CCL24: variants seen among roughly 807,000 people sequenced by gnomAD.
The protein encoded by CCL24 is C-C motif chemokine ligand 24.
A neutral mutation model predicts 8.6 loss-of-function variants in CCL24; 6 were observed. The ratio of observed to expected loss-of-function variants is 0.70; its 90% CI spans 0.38 to 1.38. The LOEUF (loss-of-function observed/expected upper bound fraction) is 1.38, where lower values mean the gene tolerates loss of function less well. Ranked by LOEUF, CCL24 falls within the 40% of genes most tolerant of loss-of-function variation. The pLI, the probability that CCL24 is intolerant of heterozygous loss-of-function variation, is 0.02. For missense variants in CCL24, 126 were observed against 147.1 expected (o/e 0.86, Z 0.74); for synonymous variants, 59 against 52.7 (o/e 1.12, Z -0.52).
At chr7:75,818,828 G>A (rs997061651) in intron 1 of CCL24, among the ~76,000 whole-genome samples, 2 of 151,908 alleles carry the variant, frequency 1.3e-5, no homozygotes, top group South Asian at 2.1e-4. Flanking sequence ...TGGCCAGAGC[G>A]GCCTCTCCCC....
Position 75,813,766 on chromosome 7 carries a change from G to A in CCL24, c.-51C>T, listed in dbSNP as rs1326619866. 6.8e-7 allele frequency: 1 copy of A among 1,469,344 alleles called. No individual in the cohort carries two copies. Among genetic ancestry groups the A allele is most frequent in the African/African-American group, 1.4e-5 (1 of 72,040 alleles). The allele number at this position is 1,469,344 out of a possible 1,614,324, so 91.0% of individuals were successfully genotyped here. On this transcript the variant is annotated 5_prime_UTR_variant, in exon 1 of 3. Transcript: ENST00000222902. ...CGGGGCTCAAAGCTGACGTGCAGGA[G>A]GAAAGGACCTAGGGATAAATAGCTC...
At chr7:75,813,557 C>G (rs1803822349) in intron 1 of CCL24, 86 bp downstream of exon 1, 2 of 1,352,368 alleles carry the variant, frequency 1.5e-6, no homozygotes, top group Admixed American at 1.7e-5. Flanking sequence ...CAGCGCTTCC[C>G]TCCAGCCCCA....
chr7:75,822,690 G>T (rs985698845), intron 1 of CCL24, among the ~76,000 whole-genome samples: 1 of 152,132 alleles, frequency 6.6e-6, no homozygotes, highest in Non-Finnish European at 1.5e-5. Flanking sequence ...TTAGCCAGGC[G>T]TGGTGGCAGG....
chr7:75,814,894 C>T (rs189756903), upstream of CCL24, among the ~76,000 whole-genome samples: 1 of 152,018 alleles, frequency 6.6e-6, no homozygotes, highest in East Asian at 1.9e-4. Context: ...GGCCCCTTCC[C>T]GCGCCGACCA....
chr7:75,811,616 G>A lies in CCL24; in HGVS notation c.*180C>T, dbSNP rs1338904722. On this transcript the variant is annotated 3_prime_UTR_variant, in exon 3 of 3. Coordinates refer to ENST00000222902, the MANE Select transcript of CCL24 (RefSeq NM_002991.3). ...CTTGGATGCTTGGAGCCATTGCTCA[G>A]CCCCCGGGAACCACATCACCTGCTC... 3 of 550,048 alleles carry A rather than the reference G, an allele frequency of 5.5e-6. No homozygotes were observed. Among genetic ancestry groups the A allele is most frequent in the Non-Finnish European group, 9.4e-6 (3 of 318,892 alleles). The allele number at this position is 550,048 out of a possible 1,614,324, so 34.1% of individuals were successfully genotyped here.
intron 1 of CCL24, among the ~76,000 whole-genome samples, chr7:75,821,885 G>A (rs1167484689): frequency 2.1e-5 from 3 of 144,280 alleles, no homozygotes; most frequent in East Asian, 2.0e-4. Context: ...CCGAGATCCC[G>A]CCACTGCACT....
In CCL24 at chr7:75,813,387, A is replaced by G; in HGVS notation, c.110T>C (p.Phe37Ser). ...GTTCTCAGGAATTCTCTTGGAAACA[A>G]AGAACATGCAGCAGGGAGAGGGGAT... ...VVIPSPCCMF[F>S]VSKRIPENRV... is the part of the protein sequence containing the mutation. The change falls in exon 2 of 3, where the codon TTT becomes TCT. Residue 37 changes from phenylalanine (F) to serine (S), a missense_variant. Physicochemically the swap from Phe to Ser is radical, Grantham distance 155. Transcript: ENST00000222902. 3.7e-6 allele frequency: 6 copies of G among 1,613,716 alleles called. No individual in the cohort carries two copies. Among genetic ancestry groups the G allele is most frequent in the South Asian group, 2.2e-5 (2 of 91,080 alleles).
At chr7:75,820,430 C>A (rs528253490) in intron 1 of CCL24, among the ~76,000 whole-genome samples, 52 of 152,276 alleles carry the variant, frequency 3.4e-4, no homozygotes, top group Non-Finnish European at 6.9e-4. Flanking sequence ...ATCTGCCAGC[C>A]TTGGCCTCCC....
upstream of CCL24, among the ~76,000 whole-genome samples, chr7:75,814,867 G>A (rs1335063263): frequency 6.6e-6 from 1 of 151,922 alleles, no homozygotes; most frequent in African/African-American, 2.4e-5. Context: ...GACTCTCTGT[G>A]CAGCCGGACT....
upstream of CCL24, among the ~76,000 whole-genome samples, chr7:75,815,244 G>C (rs569473803): frequency 7.2e-5 from 11 of 151,768 alleles, 1 homozygote; most frequent in South Asian, 1.9e-3. Flanking sequence ...GAGGCTGAGG[G>C]GGCAGGATCA....
upstream of CCL24, among the ~76,000 whole-genome samples, chr7:75,814,825 G>A (rs999383898): frequency 2.2e-4 from 34 of 151,980 alleles, no homozygotes; most frequent in Admixed American, 2.0e-3. Flanking sequence ...GACCTACCCT[G>A]TTTCCTGAGT....
rs1426077089 is a variant in CCL24, at chr7:75,811,166, A to AT, written c.*629dup. Among the ~76,000 whole-genome samples, 86 of 147,674 alleles carry AT rather than the reference A, an allele frequency of 5.8e-4. No individual in the cohort carries two copies. The highest frequency in any genetic ancestry group is 4.7e-4 in the Non-Finnish European group (31 of 66,660). The stretch of plus-strand genomic sequence containing the variant: ...TTCCTTTAAAAAAAAAAAAATTATG[A>AT]TTTTTTTTTTTCAACATAAAAGTTT... On this transcript the variant is annotated 3_prime_UTR_variant, in exon 3 of 3. Transcript: ENST00000222902.
At chr7:75,821,770 T>C (rs1421936501) in intron 1 of CCL24, among the ~76,000 whole-genome samples, 1 of 151,746 alleles carries the variant, frequency 6.6e-6, no homozygotes, top group Non-Finnish European at 1.5e-5. Context: ...CTACTAAAAA[T>C]ACAAAAAATT....
chr7:75,818,687 T>C (rs555022793), upstream of CCL24, among the ~76,000 whole-genome samples: 68 of 128,902 alleles, frequency 5.3e-4, no homozygotes, highest in African/African-American at 1.6e-3. Flanking sequence ...AGAAACAGCA[T>C]GTGTGGAGGA....
intron 1 of CCL24, among the ~76,000 whole-genome samples, chr7:75,822,283 G>C (rs1326497557): frequency 6.6e-6 from 1 of 152,124 alleles, no homozygotes; most frequent in Non-Finnish European, 1.5e-5. Flanking sequence ...TCCTGGGTTT[G>C]AGCCTCGTCC....
At position 75,813,699 on chromosome 7, in the gene CCL24, G is replaced by A; in HGVS notation, c.17C>T (p.Thr6Ile). 4 of 1,613,992 alleles carry A rather than the reference G, an allele frequency of 2.5e-6. No individual in the cohort carries two copies. Among genetic ancestry groups the A allele is most frequent in the Non-Finnish European group, 2.5e-6 (3 of 1,179,886 alleles). The change falls in exon 1 of 3, where the codon ACC becomes ATC. Residue 6 changes from threonine (T) to isoleucine (I), a missense_variant. Coordinates refer to ENST00000222902, the MANE Select transcript of CCL24 (RefSeq NM_002991.3). MAGLM[T>I]IVTSLLFLGV... ...AAGGAACAGAAGGCTGGTTACTATG[G>A]TCATCAGGCCTGCCATGTCTCAGAG...
At chr7:75,812,679 C>T (rs1338351495) in intron 2 of CCL24, among the ~76,000 whole-genome samples, 1 of 152,098 alleles carries the variant, frequency 6.6e-6, no homozygotes, top group African/African-American at 2.4e-5. Context: ...CCTGTAATCC[C>T]AGCACTTTGG....
intron 1 of CCL24, among the ~76,000 whole-genome samples, chr7:75,822,628 G>A (rs1032801311): frequency 7.0e-6 from 1 of 143,862 alleles, no homozygotes; most frequent in Non-Finnish European, 1.5e-5. Flanking sequence ...GGGTCAGTTC[G>A]AGACCAGCCT....
chr7:75,815,060 C>A (rs1014667928), upstream of CCL24, among the ~76,000 whole-genome samples: 8 of 151,844 alleles, frequency 5.3e-5, no homozygotes, highest in Admixed American at 5.3e-4. Context: ...AACCAGGGGC[C>A]GGGAGCGGTG....
Sources: allele counts gnomAD v4.1 joint callset (sites outside exome capture counted in the v4.1 genomes callset), GRCh38; gene constraint gnomAD v4.1.1; transcripts MANE v1.5; gene names NCBI Gene and HGNC (gene_info 2026-07-23, HGNC 2026-07-21).